VASH2: variants seen among roughly 807,000 people sequenced by gnomAD.
The protein encoded by VASH2 is vasohibin 2.
In VASH2, 28 loss-of-function variants were observed where a neutral mutation model predicts 37.2. The observed-to-expected ratio is 0.75, with a 90% CI of 0.56 to 1.03. VASH2 has a LOEUF of 1.03. Ranked by LOEUF, VASH2 falls within the 50% of genes least tolerant of loss-of-function variation. The probability of loss-of-function intolerance (pLI) is 0.00; values close to 1 mark genes in which losing one functional copy is unlikely to be tolerated. For synonymous variants in VASH2, 188 were observed against 174.7 expected (o/e 1.08, Z -0.60); for missense variants, 419 against 459.1 (o/e 0.91, Z 0.80).
chr1:212,972,776 T>G lies in VASH2; in HGVS notation c.694T>G (p.Phe232Val), dbSNP rs1667047675. 6.2e-7 allele frequency: 1 copy of G among 1,614,076 alleles called. No individual in the cohort carries two copies. The highest frequency in any genetic ancestry group is 8.5e-7 in the Non-Finnish European group (1 of 1,180,030). Residue 232 changes from phenylalanine (F) to valine (V), a missense_variant, in exon 6 of 8, where the codon TTT becomes GTT. Physicochemically the swap from Phe to Val is conservative, Grantham distance 50 (BLOSUM62 -1). Coordinates refer to ENST00000517399, the MANE Select transcript of VASH2 (RefSeq NM_001301056.2). ...FRTLSDLIFD[F>V]EDSYKKYLHT... ...GACTCTGAGTGACCTCATCTTTGAC[T>G]TTGAGGACTCTTACAAGAAATACCT...
intron 5 of VASH2, chr1:212,968,810 G>C: frequency 2.0e-6 from 2 of 985,504 alleles, no homozygotes; most frequent in Non-Finnish European, 2.4e-6. Context: ...AGAGATCAAC[G>C]AAGGGGAACA....
rs1023933686 is a variant in VASH2, at chr1:212,988,742, CT to C, written c.*161del. On this transcript the variant is annotated 3_prime_UTR_variant, in exon 8 of 8. Transcript: ENST00000517399. ...AATCTGAGTGGGTGGTAACCATTAG[CT>C]TTAAAAAATTCACTAAAAGGCACCA... 3.7e-6 allele frequency: 3 copies of C among 807,274 alleles called. No individual in the cohort carries two copies. The East Asian group carries it at 8.3e-5, about 22-fold the overall frequency. 50.0% of individuals were successfully genotyped at this position (807,274 alleles called of 1,614,324 possible).
At chr1:212,976,921 C>T (rs1667191969) in intron 7 of VASH2, among the ~76,000 whole-genome samples, 1 of 152,162 alleles carries the variant, frequency 6.6e-6, no homozygotes. Flanking sequence ...GGAGTCGACC[C>T]CAGCCCCACT....
intron 2 of VASH2, chr1:212,952,475 A>G (rs1666345585): frequency 6.6e-6 from 1 of 152,430 alleles, no homozygotes; most frequent in Admixed American, 6.5e-5. Flanking sequence ...GCTGAGACTT[A>G]AAAGGGACTT....
At chr1:212,976,689 G>T (rs1307339040) in intron 7 of VASH2, among the ~76,000 whole-genome samples, 1 of 152,200 alleles carries the variant, frequency 6.6e-6, no homozygotes, top group African/African-American at 2.4e-5. Flanking sequence ...GTGCACCTGC[G>T]CCTGCAGAGG....
chr1:212,973,008 C>T (rs1399734261), intron 6 of VASH2, 47 bp downstream of exon 6: 5 of 1,574,494 alleles, frequency 3.2e-6, no homozygotes, highest in Non-Finnish European at 4.3e-6. Context: ...GCTCTTTTCC[C>T]ATTCCTTTCT....
chr1:212,970,269 C>T (rs1666970402), intron 5 of VASH2, among the ~76,000 whole-genome samples: 1 of 152,152 alleles, frequency 6.6e-6, no homozygotes, highest in Non-Finnish European at 1.5e-5. Flanking sequence ...CCAGTTGCTC[C>T]AGGTCCCAAG....
At position 212,967,379 on chromosome 1, in the gene VASH2, C is replaced by G. The variant is rs1201168209; in HGVS notation, c.497+1034C>G. ...AACAGCCTTTGAGCCTGATCTGCCA[C>G]AATCAGATAGAAGAGCAAAGATGCT... On this transcript the variant is annotated intron_variant, in intron 5 of 7. Transcript: ENST00000517399. 4.2e-6 allele frequency: 5 copies of G among 1,202,636 alleles called. No homozygotes were observed. In the African/African-American group the frequency reaches 4.8e-5, roughly 11 times the overall value. 74.5% of individuals were successfully genotyped at this position (1,202,636 alleles called of 1,614,324 possible). A position where few individuals can be genotyped will look rare whatever the true frequency, so the allele number is the denominator to read the frequency against.
At chr1:212,985,198 C>CTTTTTTTT (rs55804989) in intron 7 of VASH2, among the ~76,000 whole-genome samples, 7 of 100,830 alleles carry the variant, frequency 6.9e-5, no homozygotes, top group African/African-American at 1.8e-4. Context: ...ATTTTTTTTG[C>CTTTTTTTT]TTTTTTTTTT....
At position 212,972,692 on chromosome 1, in the gene VASH2, T is replaced by G. The variant is rs1348837590; in HGVS notation, c.610T>G (p.Tyr204Asp). 1.2e-6 allele frequency: 2 copies of G among 1,614,230 alleles called. No individual in the cohort carries two copies. The highest frequency in any genetic ancestry group is 1.7e-6 in the Non-Finnish European group (2 of 1,180,048). Residue 204 changes from tyrosine to aspartate, a missense_variant, in exon 6 of 8, where the codon TAT becomes GAT. Transcript: ENST00000517399. Reference sequence around the variant, plus strand: ...GCTGGGGATTTACTGCAATGGCCGCTATGGCTCATTGGGCATGAGCCGCAG... The same window carrying G: ...GCTGGGGATTTACTGCAATGGCCGCGATGGCTCATTGGGCATGAGCCGCAG... Reference protein sequence around the residue: ...VVLGIYCNGRYGSLGMSRRAE... With the variant: ...VVLGIYCNGRDGSLGMSRRAE...
chr1:212,960,337 G>A (rs1263727507), intron 2 of VASH2, among the ~76,000 whole-genome samples: 1 of 152,176 alleles, frequency 6.6e-6, no homozygotes, highest in African/African-American at 2.4e-5. Flanking sequence ...GTGTGTTGGT[G>A]GAGCTGCTGT....
Position 212,984,485 on chromosome 1 carries a change from G to C in VASH2, c.996-4027G>C, listed in dbSNP as rs184389147. ...CACTGACTTTCTAGGAGAGACTGTCGGGCACAGGACTGAGGGAGAGATAAC... is the reference window on the plus strand; with the variant it reads ...CACTGACTTTCTAGGAGAGACTGTCCGGCACAGGACTGAGGGAGAGATAAC... On this transcript the variant is annotated intron_variant, in intron 7 of 7. Coordinates refer to ENST00000517399, the MANE Select transcript of VASH2 (RefSeq NM_001301056.2). Among the ~76,000 whole-genome samples the C allele has an allele frequency of 3.9e-5, 6 of 152,058 alleles. No homozygotes were observed. The East Asian group carries it at 1.2e-3, about 29-fold the overall frequency.
intron 2 of VASH2, among the ~76,000 whole-genome samples, chr1:212,959,357 A>G (rs1158763458): frequency 6.6e-6 from 1 of 152,006 alleles, no homozygotes; most frequent in African/African-American, 2.4e-5. Context: ...CAGCAATGTG[A>G]TTGATTTGGG....
intron 7 of VASH2, chr1:212,974,725 C>T (rs1667119492): frequency 6.6e-6 from 1 of 152,212 alleles, no homozygotes; most frequent in South Asian, 2.1e-4. Context: ...TGAACTATAG[C>T]CATCCTGGGA....
chr1:212,965,990 G>C, intron 4 of VASH2: 1 of 606,630 alleles, frequency 1.6e-6, no homozygotes, highest in African/African-American at 1.8e-5. Context: ...TAGCTTCCAG[G>C]GTGGAGGAGG....
At chr1:212,957,262 G>A (rs534029870) in intron 2 of VASH2, among the ~76,000 whole-genome samples, 5 of 152,254 alleles carry the variant, frequency 3.3e-5, no homozygotes, top group South Asian at 4.1e-4. Context: ...TCCGTGGTGC[G>A]CCACATTTTG....
At chr1:212,967,479 G>C (rs1319128193) in intron 5 of VASH2, 20 of 1,154,244 alleles carry the variant, frequency 1.7e-5, no homozygotes, top group African/African-American at 3.2e-5. Flanking sequence ...CTTGAGAGAT[G>C]GTCCCAGGCA....
intron 2 of VASH2, among the ~76,000 whole-genome samples, chr1:212,953,472 G>T (rs1322368404): frequency 6.6e-6 from 1 of 152,132 alleles, no homozygotes; most frequent in Non-Finnish European, 1.5e-5. Context: ...ATCACTGATT[G>T]TTGTGTTCCT....
intron 7 of VASH2, among the ~76,000 whole-genome samples, chr1:212,982,544 A>G (rs1215460280): frequency 6.6e-6 from 1 of 152,150 alleles, no homozygotes; most frequent in Non-Finnish European, 1.5e-5. Flanking sequence ...GAGCACTTGG[A>G]AGAGTCCTCT....
Sources: allele counts gnomAD v4.1 joint callset (sites outside exome capture counted in the v4.1 genomes callset), GRCh38; gene constraint gnomAD v4.1.1; transcripts MANE v1.5; gene names NCBI Gene and HGNC (gene_info 2026-07-23, HGNC 2026-07-21).